Variants in CFAP263 observed in about 807,000 individuals in gnomAD.
The protein encoded by CFAP263 is cilia- and flagella-associated protein 263.
the CFAP263 span, among the ~76,000 whole-genome samples, chr16:58,276,630 G>C: frequency 6.6e-6 from 1 of 152,162 alleles, no homozygotes; most frequent in Non-Finnish European, 1.5e-5. Flanking sequence ...CCACTGCCTG[G>C]AACAAGCAAT....
At chr16:58,255,362 A>G in the CFAP263 span, among the ~76,000 whole-genome samples, 3 of 152,092 alleles carry the variant, frequency 2.0e-5, no homozygotes, top group Non-Finnish European at 2.9e-5. Flanking sequence ...AGCCAATTGG[A>G]TGGTGCCCAC....
the CFAP263 span, among the ~76,000 whole-genome samples, chr16:58,268,184 G>T: frequency 6.6e-6 from 1 of 152,172 alleles, no homozygotes; most frequent in African/African-American, 2.4e-5. Flanking sequence ...TCACTCCAAG[G>T]CCTGTGGTCA....
chr16:58,269,394 G>GAA, the CFAP263 span, among the ~76,000 whole-genome samples: 30 of 116,572 alleles, frequency 2.6e-4, 1 homozygote, highest in African/African-American at 8.5e-4. Flanking sequence ...AGGAAGGAAA[G>GAA]AGGAAAGAAA....
the CFAP263 span, chr16:58,278,380 T>C: frequency 9.9e-7 from 1 of 1,014,906 alleles, no homozygotes; most frequent in Non-Finnish European, 1.4e-6. Context: ...ACATTATTTT[T>C]GGAACTCTAT....
chr16:58,271,462 C>A, the CFAP263 span, among the ~76,000 whole-genome samples: 1 of 152,092 alleles, frequency 6.6e-6, no homozygotes, highest in Non-Finnish European at 1.5e-5. Flanking sequence ...TGTCACATTT[C>A]CTTAGTTCTT....
At chr16:58,283,019 C>A in the CFAP263 span, 1 of 152,212 alleles carries the variant, frequency 6.6e-6, no homozygotes, top group South Asian at 2.1e-4. Flanking sequence ...TCCAGGTGCC[C>A]CTCTGGAGCT....
the CFAP263 span, chr16:58,282,936 A>G: frequency 1.3e-5 from 2 of 152,252 alleles, no homozygotes; most frequent in Non-Finnish European, 2.9e-5. Context: ...GGCACAGCAT[A>G]TACGCTTTTT....
At chr16:58,252,210 A>G in the CFAP263 span, among the ~76,000 whole-genome samples, 48 of 152,294 alleles carry the variant, frequency 3.2e-4, no homozygotes, top group African/African-American at 1.2e-3. Flanking sequence ...CTCTACAAAA[A>G]AAATTATAAA....
chr16:58,250,010 G>A, the CFAP263 span: 1 of 1,578,768 alleles, frequency 6.3e-7, no homozygotes, highest in South Asian at 1.2e-5. Flanking sequence ...CGCTTCGGCA[G>A]AGTGATGACT....
chr16:58,271,890 A>G, the CFAP263 span, among the ~76,000 whole-genome samples: 1 of 152,196 alleles, frequency 6.6e-6, no homozygotes, highest in Non-Finnish European at 1.5e-5. Flanking sequence ...TGTACAGCCC[A>G]TACTTAAGGA....
chr16:58,265,908 C>T, the CFAP263 span, among the ~76,000 whole-genome samples: 2 of 152,098 alleles, frequency 1.3e-5, no homozygotes, highest in Admixed American at 6.5e-5. Flanking sequence ...CCTGCCCTGC[C>T]GCTCTAAGTT....
At chr16:58,253,601 T>A in the CFAP263 span, among the ~76,000 whole-genome samples, 1 of 151,996 alleles carries the variant, frequency 6.6e-6, no homozygotes, top group African/African-American at 2.4e-5. Context: ...TCCAAGATGT[T>A]TGTTTGTCTG....
At chr16:58,264,890 C>A in the CFAP263 span, among the ~76,000 whole-genome samples, 120 of 152,314 alleles carry the variant, frequency 7.9e-4, 2 homozygotes, top group Non-Finnish European at 1.5e-3. Context: ...AGTACCAATA[C>A]CTCCACAAGG....
the CFAP263 span, among the ~76,000 whole-genome samples, chr16:58,257,010 A>ATTTATTTTTT: frequency 2.0e-5 from 1 of 50,194 alleles, no homozygotes; most frequent in Non-Finnish European, 3.6e-5. Flanking sequence ...GCATATATGA[A>ATTTATTTTTT]TTTCTTTTTT....
At chr16:58,251,797 A>G in the CFAP263 span, among the ~76,000 whole-genome samples, 1 of 71,254 alleles carries the variant, frequency 1.4e-5, no homozygotes, top group Admixed American at 1.1e-4. Context: ...GAAAACATCA[A>G]AGCTGTTCTC....
chr16:58,254,680 C>T, the CFAP263 span, among the ~76,000 whole-genome samples: 1 of 151,808 alleles, frequency 6.6e-6, no homozygotes, highest in African/African-American at 2.4e-5. Flanking sequence ...TCTCAGCTCA[C>T]TGCAAGCTCC....
At chr16:58,262,763 G>GTAGGTAGATAGA in the CFAP263 span, among the ~76,000 whole-genome samples, 43 of 78,412 alleles carry the variant, frequency 5.5e-4, no homozygotes, top group African/African-American at 1.9e-3. Flanking sequence ...TAGATGATAG[G>GTAGGTAGATAGA]TAGATAGATA....
the CFAP263 span, chr16:58,262,463 A>G: frequency 1.2e-6 from 2 of 1,613,228 alleles, no homozygotes; most frequent in Non-Finnish European, 1.7e-6. Context: ...TCTTGAGACA[A>G]TTGAAGCAAG....
the CFAP263 span, among the ~76,000 whole-genome samples, chr16:58,267,047 C>G: frequency 2.6e-5 from 4 of 152,164 alleles, no homozygotes; most frequent in Non-Finnish European, 5.9e-5. Flanking sequence ...GGAGTATTCC[C>G]CACGCTCCAT....
Sources: gnomAD v4.1 joint callset for allele counts (sites outside exome capture counted in the v4.1 genomes callset) on GRCh38, gnomAD v4.1.1 for gene constraint, MANE v1.5 for transcripts, NCBI Gene and HGNC (gene_info 2026-07-23, HGNC 2026-07-21) for gene names.